The following NUP210 variants were observed in gnomAD, a reference collection of about 807,000 sequenced individuals.
NUP210 encodes nucleoporin 210, also known as nuclear pore membrane glycoprotein 210.
Under a neutral mutation model 196.0 loss-of-function variants are expected in NUP210, and 151 were observed. The observed-to-expected ratio is 0.77, with a 90% CI of 0.67 to 0.88. The LOEUF (loss-of-function observed/expected upper bound fraction) is 0.88, where lower values mean the gene tolerates loss of function less well. Ranked by LOEUF, NUP210 falls within the 40% of genes least tolerant of loss-of-function variation. The pLI is 0.00. For synonymous variants in NUP210, 1,070 were observed against 1,052.7 expected (o/e 1.02, Z -0.32); for missense variants, 2,314 against 2,493.7 (o/e 0.93, Z 1.53).
Position 13,358,262 on chromosome 3 carries a change from A to C in NUP210, c.2288T>G (p.Leu763Arg), listed in dbSNP as rs777702175. Residue 763 changes from leucine (L) to arginine (R), a missense_variant, in exon 16 of 40, where the codon CTG (leucine) becomes CGG (arginine). Coordinates refer to ENST00000254508, the MANE Select transcript of NUP210 (RefSeq NM_024923.4). ...CTGCAGCAGCGGACAGGACATGTCC[A>C]GCTGGGGGCTGGTGTAGACAGGCGC... ...TLAPVYTSPQ[L>R]DMSCPLLQQN... 8 of 1,613,260 alleles carry C rather than the reference A, an allele frequency of 5.0e-6. No individual in the cohort carries two copies. Among genetic ancestry groups the C allele is most frequent in the Non-Finnish European group, 6.8e-6 (8 of 1,179,716 alleles).
chr3:13,333,790 C>T (rs548327146), intron 28 of NUP210, among the ~76,000 whole-genome samples: 210 of 152,232 alleles, frequency 1.4e-3, no homozygotes, highest in Admixed American at 2.3e-3. Context: ...AAATAGGATT[C>T]CTTCTATTTT....
chr3:13,319,738 C>T (rs2276748), intron 37 of NUP210, 25 bp downstream of exon 37: 815,917 of 1,601,274 alleles, frequency 0.51, 210,482 homozygotes, highest in South Asian at 0.64. Flanking sequence ...TGGTCTGTCC[C>T]AGATGATGTC....
Position 13,330,451 on chromosome 3 carries a change from C to A in NUP210, c.4110+9G>T, listed in dbSNP as rs764504856. 1.9e-6 allele frequency: 3 copies of A among 1,612,486 alleles called. No individual in the cohort carries two copies. Among genetic ancestry groups the A allele is most frequent in the Non-Finnish European group, 2.5e-6 (3 of 1,179,008 alleles). ...CATTACTCCAAAAAGGAGGAGAATG[C>A]AACCCTACCTTTACAGCAACAATGA... On this transcript the variant is annotated intron_variant, in intron 30 of 39. Coordinates refer to ENST00000254508, the MANE Select transcript of NUP210 (RefSeq NM_024923.4).
chr3:13,319,312 G>A lies in NUP210; in HGVS notation c.5397C>T (p.Leu1799=), dbSNP rs746018467. The A allele has an allele frequency of 6.2e-7, 1 of 1,610,606 alleles. No homozygotes were observed. The highest frequency in any genetic ancestry group is 1.1e-5 in the South Asian group (1 of 90,316). The change falls in exon 38 of 40, where the codon CTC becomes CTT. Residue 1799 remains leucine, a synonymous_variant. Coordinates refer to ENST00000254508, the MANE Select transcript of NUP210 (RefSeq NM_024923.4). ...RRGPGPYGAS[L]FQHFLDSYQV... is the part of the protein sequence containing the mutation. The stretch of plus-strand genomic sequence containing the variant: ...GGTAGGAATCCAGGAAGTGCTGGAA[G>A]AGGCTGGCTCCATCTGCCATCAATG...
Position 13,317,771 on chromosome 3 carries a change from G to A in NUP210, c.5574C>T (p.Ala1858=), listed in dbSNP as rs750557650. Residue 1858 remains alanine (A), a synonymous_variant, in exon 40 of 40, where the codon GCC becomes GCT. Coordinates refer to ENST00000254508, the MANE Select transcript of NUP210 (RefSeq NM_024923.4). The stretch of plus-strand genomic sequence containing the variant: ...ATGCATTGGGAGATGTGGGTGATGA[G>A]GCAGCGAAATCTAGGGTGGGAAGAG... ...SPGHSPHYFA[A]SSPTSPNALP... The A allele has an allele frequency of 3.1e-6, 5 of 1,609,234 alleles. No homozygotes were observed. The South Asian group carries it at 5.6e-5, about 18-fold the overall frequency.
chr3:13,317,845 C>T lies in NUP210; in HGVS notation c.5564-64G>A, dbSNP rs1038579985. 66 of 1,187,664 alleles carry T rather than the reference C, an allele frequency of 5.6e-5. 1 individual carries two copies. Among genetic ancestry groups the T allele is most frequent in the Non-Finnish European group, 7.6e-5 (63 of 827,002 alleles). The allele number at this position is 1,187,664 out of a possible 1,614,324, so 73.6% of individuals were successfully genotyped here. A position where few individuals can be genotyped will look rare whatever the true frequency, so the allele number is the denominator to read the frequency against. ...GGGAAAGCGGCGCACTCTTCAGTTA[C>T]AGCCAGCATTCAGCAGGCGCCTGCC... On this transcript the variant is annotated intron_variant, in intron 39 of 39. Transcript: ENST00000254508.
intron 3 of NUP210, among the ~76,000 whole-genome samples, chr3:13,395,297 G>A (rs556901324): frequency 3.9e-5 from 6 of 152,308 alleles, no homozygotes; most frequent in Non-Finnish European, 8.8e-5. Flanking sequence ...ATGAGCAATA[G>A]CAAGTGCTGG....
chr3:13,357,743 T>C (rs1445106290), intron 16 of NUP210, among the ~76,000 whole-genome samples: 1 of 152,120 alleles, frequency 6.6e-6, no homozygotes, highest in African/African-American at 2.4e-5. Context: ...CAAGGGACTT[T>C]CTTCCTCTCC....
intron 6 of NUP210, among the ~76,000 whole-genome samples, chr3:13,381,401 C>CTTTCT (rs1051888721): frequency 3.5e-5 from 5 of 140,898 alleles, no homozygotes; most frequent in African/African-American, 5.5e-5. Flanking sequence ...ACCTCTTTTT[C>CTTTCT]TTTCTTTTCT....
At chr3:13,327,880 T>C (rs1413685242) in intron 31 of NUP210, among the ~76,000 whole-genome samples, 3 of 152,172 alleles carry the variant, frequency 2.0e-5, no homozygotes, top group Non-Finnish European at 4.4e-5. Context: ...CACGTGACCG[T>C]GACGCAGGCC....
chr3:13,343,337 G>C, intron 20 of NUP210, 34 bp from the exon 21 acceptor site: 1 of 1,579,644 alleles, frequency 6.3e-7, no homozygotes. Flanking sequence ...AGGGGTGGGT[G>C]GTGGGTTACG....
intron 1 of NUP210, among the ~76,000 whole-genome samples, chr3:13,415,306 C>A (rs1019145883): frequency 2.6e-5 from 4 of 152,206 alleles, no homozygotes; most frequent in Admixed American, 1.3e-4. Flanking sequence ...TATGTGTCGT[C>A]CATCAGTGCT....
rs1463733892 is a variant in NUP210, at chr3:13,348,805, A to G, written c.2835+3074T>C. On this transcript the variant is annotated intron_variant, in intron 20 of 39. Transcript: ENST00000254508. This position sits in a 1 kb window ranked among gnomAD's most constrained non-coding sequence, Gnocchi z 4.0. ...CCCCTCCTTGAGGCACGGCGCTGAGAAAACATCCTCTTTGCAAGACAGCTG... is the reference window on the plus strand; with the variant it reads ...CCCCTCCTTGAGGCACGGCGCTGAGGAAACATCCTCTTTGCAAGACAGCTG... 3 of 985,314 alleles carry G rather than the reference A, an allele frequency of 3.0e-6. No individual in the cohort carries two copies. Among genetic ancestry groups the G allele is most frequent in the East Asian group, 1.1e-4 (1 of 8,826 alleles). 61.0% of individuals were successfully genotyped at this position (985,314 alleles called of 1,614,324 possible).
In NUP210 at chr3:13,336,921, G is replaced by T; in HGVS notation, c.3553-3C>A. 1.2e-6 allele frequency: 2 copies of T among 1,613,010 alleles called. No individual in the cohort carries two copies. Among genetic ancestry groups the T allele is most frequent in the Non-Finnish European group, 1.7e-6 (2 of 1,179,462 alleles). ...ATGCCGGTGACATAGATGGGCATCT[G>T]CAGGGGAGAAGTCAGGCCCAGTGAG... is the stretch of plus-strand genomic sequence containing the variant. On this transcript the variant is annotated splice_region_variant and splice_polypyrimidine_tract_variant and intron_variant, in intron 26 of 39. Transcript: ENST00000254508.
chr3:13,361,932 G>A (rs1006265110), intron 14 of NUP210, among the ~76,000 whole-genome samples: 1 of 152,000 alleles, frequency 6.6e-6, no homozygotes, highest in African/African-American at 2.4e-5. Flanking sequence ...TCACTTAGGC[G>A]ACCCCTCCTC....
chr3:13,403,083 T>C (rs886512862), intron 1 of NUP210, among the ~76,000 whole-genome samples: 1 of 152,224 alleles, frequency 6.6e-6, no homozygotes, highest in Admixed American at 6.5e-5. Context: ...TATTAAAAAG[T>C]CATATTTTTA....
chr3:13,387,542 C>A (rs576572206), intron 5 of NUP210, among the ~76,000 whole-genome samples: 1 of 152,370 alleles, frequency 6.6e-6, no homozygotes, highest in East Asian at 1.9e-4. Flanking sequence ...ATGCAGCAAA[C>A]CCACTACAGA....
intron 3 of NUP210, among the ~76,000 whole-genome samples, chr3:13,394,525 G>A (rs537087728): frequency 1.7e-4 from 26 of 152,336 alleles, no homozygotes; most frequent in Non-Finnish European, 3.4e-4. Context: ...TGCATCCAGC[G>A]GGAAACAGCT....
At chr3:13,333,582 T>G (rs1697087880) in intron 28 of NUP210, among the ~76,000 whole-genome samples, 1 of 152,220 alleles carries the variant, frequency 6.6e-6, no homozygotes, top group African/African-American at 2.4e-5. Context: ...CATGCCTGTC[T>G]TGAGAGTTGT....
Sources: gnomAD v4.1 joint callset for allele counts (sites outside exome capture counted in the v4.1 genomes callset) on GRCh38, gnomAD v4.1.1 for gene constraint, Gnocchi (gnomAD v3.1) non-coding constraint, MANE v1.5 for transcripts, NCBI Gene and HGNC (gene_info 2026-07-23, HGNC 2026-07-21) for gene names.